SUN3: variants seen among roughly 807,000 people sequenced by gnomAD.
The protein encoded by SUN3 is Sad1 and UNC84 domain containing 3, also known as SUN domain-containing protein 3.
SUN3 carries 36 observed loss-of-function variants against 48.2 expected under a neutral mutation model. The observed-to-expected ratio is 0.75, with a 90% confidence interval of 0.57 to 0.99. The LOEUF (loss-of-function observed/expected upper bound fraction) is 0.99. Ranked by LOEUF, SUN3 falls within the 50% of genes least tolerant of loss-of-function variation. The pLI, the probability that SUN3 is intolerant of heterozygous loss-of-function variation, is 0.00. For synonymous variants in SUN3, 148 were observed against 147.9 expected, an observed-to-expected ratio of 1.00 and a Z score of 0.00; for missense variants, 419 against 433.1, an observed-to-expected ratio of 0.97 and a Z score of 0.29.
At chr7:48,000,798 T>C (rs941247462) in intron 6 of SUN3, among the ~76,000 whole-genome samples, 1 of 151,990 alleles carries the variant, frequency 6.6e-6, no homozygotes, top group African/African-American at 2.4e-5. Flanking sequence ...CTATGATGTG[T>C]CTGGATGTCA....
chr7:48,024,983 T>A lies in SUN3; in HGVS notation c.184+894A>T, dbSNP rs1191345009. On this transcript the variant is annotated intron_variant, in intron 2 of 9. Transcript: ENST00000297325. The stretch of plus-strand genomic sequence containing the variant: ...TATAGCAGTCCTCCTACACTGCTTG[T>A]GGGAATGTAAAATAGTGCAGCCATT... 3.3e-5 allele frequency among the ~76,000 whole-genome samples: 5 copies of A among 152,118 alleles called. No homozygotes were observed. In the South Asian group the frequency reaches 1.0e-3, roughly 32 times the overall value.
chr7:47,995,287 G>A (rs997667806), intron 7 of SUN3, among the ~76,000 whole-genome samples: 7 of 150,384 alleles, frequency 4.7e-5, no homozygotes, highest in South Asian at 2.1e-4. Context: ...TGGTGGTGGC[G>A]GTGATGGTGA....
chr7:48,024,513 A>G (rs745641487), intron 2 of SUN3, among the ~76,000 whole-genome samples: 2 of 152,134 alleles, frequency 1.3e-5, no homozygotes, highest in Non-Finnish European at 2.9e-5. Context: ...GAAAAAAATG[A>G]TAGTGGAAAT....
At chr7:47,991,407 T>C (rs1381743364) in intron 8 of SUN3, among the ~76,000 whole-genome samples, 1 of 152,172 alleles carries the variant, frequency 6.6e-6, no homozygotes, top group East Asian at 1.9e-4. Context: ...GAGACACCAC[T>C]TGCAGGTGGT....
intron 8 of SUN3, among the ~76,000 whole-genome samples, chr7:47,990,390 C>T (rs1255558812): frequency 6.6e-6 from 1 of 152,116 alleles, no homozygotes; most frequent in Non-Finnish European, 1.5e-5. Context: ...TTCCTGCTGA[C>T]CCTCTCTCCA....
At chr7:48,025,811 A>C in intron 2 of SUN3, 66 bp downstream of exon 2, 1 of 1,103,740 alleles carries the variant, frequency 9.1e-7, no homozygotes, top group Non-Finnish European at 1.4e-6. Flanking sequence ...TTCCGTTGAG[A>C]TCTCTCTCAC....
At chr7:48,016,059 T>G (rs578116794) in intron 3 of SUN3, among the ~76,000 whole-genome samples, 61 of 152,248 alleles carry the variant, frequency 4.0e-4, no homozygotes, top group Admixed American at 2.1e-3. Context: ...AACATCACTA[T>G]TGTAAGACCT....
chr7:47,987,261 G>T lies in SUN3; in HGVS notation c.*69C>A. 6.5e-7 allele frequency: 1 copy of T among 1,527,588 alleles called. No individual in the cohort carries two copies. The highest frequency in any genetic ancestry group is 8.8e-7 in the Non-Finnish European group (1 of 1,131,946). 94.6% of individuals were successfully genotyped at this position (1,527,588 alleles called of 1,614,324 possible). A position where few individuals can be genotyped will look rare whatever the true frequency, so the allele number is the denominator to read the frequency against. On this transcript the variant is annotated 3_prime_UTR_variant, in exon 10 of 10. Coordinates refer to ENST00000297325, the MANE Select transcript of SUN3 (RefSeq NM_001030019.2). ...CCAATTCTCAATTCCTATGGGTGCGGTATCATCTAAGAGAATAAGCATTCT... is the reference window on the plus strand; with the variant it reads ...CCAATTCTCAATTCCTATGGGTGCGTTATCATCTAAGAGAATAAGCATTCT...
chr7:48,005,182 A>C (rs1421497143), intron 6 of SUN3, among the ~76,000 whole-genome samples: 5 of 152,192 alleles, frequency 3.3e-5, no homozygotes, highest in East Asian at 1.9e-4. Flanking sequence ...AAACAAACAA[A>C]CAACCAAAAA....
upstream of SUN3, among the ~76,000 whole-genome samples, chr7:48,033,966 A>T (rs1409091850): frequency 2.0e-5 from 3 of 152,082 alleles, no homozygotes; most frequent in African/African-American, 7.2e-5. Flanking sequence ...AGACAGGAGA[A>T]TTGCTTGAAC....
intron 7 of SUN3, among the ~76,000 whole-genome samples, 153 bp from the exon 8 acceptor site, chr7:47,994,635 G>A (rs1169874095): frequency 6.6e-6 from 1 of 152,232 alleles, no homozygotes; most frequent in Non-Finnish European, 1.5e-5. Flanking sequence ...TTCTTCCAGA[G>A]CACTGTATGC....
chr7:48,034,491 G>A, the SUN3 span, among the ~76,000 whole-genome samples: 1 of 152,190 alleles, frequency 6.6e-6, no homozygotes, highest in South Asian at 2.1e-4. Flanking sequence ...AACTGTTGCT[G>A]CAGTCGTTGG....
chr7:48,009,240 C>T (rs953740986), intron 3 of SUN3, among the ~76,000 whole-genome samples, 165 bp from the exon 4 acceptor site: 3 of 152,120 alleles, frequency 2.0e-5, no homozygotes, highest in African/African-American at 7.2e-5. Flanking sequence ...CTTTCCTAGC[C>T]TCACCTGTAC....
intron 2 of SUN3, among the ~76,000 whole-genome samples, chr7:48,020,533 C>T (rs189714354): frequency 1.8e-3 from 277 of 152,240 alleles, no homozygotes; most frequent in Non-Finnish European, 1.9e-4. Flanking sequence ...ATTATCCTTG[C>T]TTGCTGATAA....
In SUN3 at chr7:48,007,249, C is replaced by CA. The variant is rs766732610; in HGVS notation, c.407dup (p.Leu136PhefsTer12). 144 of 1,614,034 alleles carry CA rather than the reference C, an allele frequency of 8.9e-5. No homozygotes were observed. The highest frequency in any genetic ancestry group is 4.1e-5 in the Non-Finnish European group (48 of 1,180,050). ...CCATACCATCCTTCATATCTCTTAG[C>CA]AATGCCTTCAGGACATCTATTTGTT... On this transcript the variant is annotated frameshift_variant, in exon 5 of 10. Transcript: ENST00000297325. LOFTEE classifies it high-confidence loss of function.
At chr7:48,029,127 C>A (rs1257297974), upstream of SUN3, 2 of 770,042 alleles carry the variant, frequency 2.6e-6, no homozygotes, top group East Asian at 6.2e-5. Flanking sequence ...GTTGCATCAT[C>A]CTCCGTGACA....
At chr7:48,000,507 G>T (rs957589887) in intron 6 of SUN3, among the ~76,000 whole-genome samples, 1 of 152,152 alleles carries the variant, frequency 6.6e-6, no homozygotes, top group East Asian at 1.9e-4. Flanking sequence ...TTTCTTTTTG[G>T]TGTCATTTCT....
intron 7 of SUN3, 98 bp from the exon 8 acceptor site, chr7:47,994,580 T>C (rs1316881264): frequency 2.3e-6 from 3 of 1,296,800 alleles, no homozygotes; most frequent in African/African-American, 3.0e-5. Context: ...ATCTCTCTTA[T>C]GCCTATCAAA....
intron 7 of SUN3, 100 bp from the exon 8 acceptor site, chr7:47,994,582 C>G: frequency 7.8e-7 from 1 of 1,277,900 alleles, no homozygotes; most frequent in Non-Finnish European, 1.0e-6. Flanking sequence ...CTCTCTTATG[C>G]CTATCAAATA....
Sources: allele counts gnomAD v4.1 joint callset (sites outside exome capture counted in the v4.1 genomes callset), GRCh38; gene constraint gnomAD v4.1.1; transcripts MANE v1.5; gene names NCBI Gene and HGNC (gene_info 2026-07-23, HGNC 2026-07-21).